Variants in PTBP3 observed in about 807,000 individuals in gnomAD.
The protein encoded by PTBP3 is polypyrimidine tract binding protein 3, also known as polypyrimidine tract-binding protein 3.
A neutral mutation model predicts 58.7 loss-of-function variants in PTBP3; 20 were observed. The ratio of observed to expected loss-of-function variants is 0.34; its 90% CI spans 0.24 to 0.50. The LOEUF (loss-of-function observed/expected upper bound fraction) is 0.50. Among genes scored for constraint, PTBP3 ranks in the 20% least tolerant of loss-of-function variants. The pLI is 0.98. For synonymous variants in PTBP3, 185 were observed against 219.8 expected, an observed-to-expected ratio of 0.84 and a Z score of 1.40; for missense variants, 509 against 637.2, an observed-to-expected ratio of 0.80 and a Z score of 2.17.
the PTBP3 span, among the ~76,000 whole-genome samples, chr9:112,356,874 CT>C: frequency 0.012 from 1,115 of 91,470 alleles, 17 homozygotes; most frequent in East Asian, 0.15. Context: ...TCATTTCCCT[CT>C]TTTTTTTTTT....
At chr9:112,247,925 G>A (rs945428167) in intron 7 of PTBP3, among the ~76,000 whole-genome samples, 3 of 152,020 alleles carry the variant, frequency 2.0e-5, no homozygotes, top group Non-Finnish European at 4.4e-5. Flanking sequence ...TATAGGTAGT[G>A]TATATATTAT....
At chr9:112,315,729 A>C (rs893080560) in intron 1 of PTBP3, among the ~76,000 whole-genome samples, 17 of 152,266 alleles carry the variant, frequency 1.1e-4, no homozygotes, top group Admixed American at 1.1e-3. Context: ...ACACTGATGA[A>C]TTCTATCAAA....
chr9:112,332,761 C>T (rs1830427006), intron 1 of PTBP3: 1 of 1,611,340 alleles, frequency 6.2e-7, no homozygotes, highest in Non-Finnish European at 8.5e-7. Flanking sequence ...CCGAAAATCG[C>T]TCGTACATCA....
chr9:112,252,293 C>A, intron 6 of PTBP3: 1 of 241,024 alleles, frequency 4.1e-6, no homozygotes, highest in Non-Finnish European at 8.0e-6. Flanking sequence ...CACCTGATCT[C>A]ATCTGATCTC....
At position 112,246,219 on chromosome 9, in the gene PTBP3, T is replaced by C. The variant is rs189645900; in HGVS notation, c.802+4710A>G. On this transcript the variant is annotated intron_variant, in intron 7 of 13. Transcript: ENST00000374257. Reference sequence around the variant, plus strand: ...GATGGTCTTGAACTCCCGACCTCAATTGATCCACCCGCCTCGGCCTCCCAA... The same window carrying C: ...GATGGTCTTGAACTCCCGACCTCAACTGATCCACCCGCCTCGGCCTCCCAA... 2.5e-3 allele frequency among the ~76,000 whole-genome samples: 385 copies of C among 151,410 alleles called. 1 individual carries two copies. Among genetic ancestry groups the C allele is most frequent in the South Asian group, 5.9e-3 (28 of 4,734 alleles).
chr9:112,331,477 C>G (rs1175878081), intron 1 of PTBP3, among the ~76,000 whole-genome samples: 3 of 152,196 alleles, frequency 2.0e-5, no homozygotes, highest in African/African-American at 7.2e-5. Flanking sequence ...TAAAAGTCAA[C>G]GAATAAATGA....
intron 5 of PTBP3, among the ~76,000 whole-genome samples, chr9:112,256,631 A>C (rs954964902): frequency 2.6e-5 from 4 of 152,054 alleles, no homozygotes; most frequent in African/African-American, 9.7e-5. Context: ...CCTGGGCTCA[A>C]GCAATCCTCC....
intron 1 of PTBP3, among the ~76,000 whole-genome samples, chr9:112,306,604 A>ATATTT (rs1341386115): frequency 2.4e-4 from 25 of 104,022 alleles, no homozygotes; most frequent in African/African-American, 1.4e-3. Flanking sequence ...ATATATATAT[A>ATATTT]TTTTTGTTTG....
At chr9:112,362,965 GA>G in the PTBP3 span, 1 of 252,306 alleles carries the variant, frequency 4.0e-6, no homozygotes. Context: ...CAAGGACTTG[GA>G]AGGGCTGCTG....
At chr9:112,345,439 G>A in the PTBP3 span, among the ~76,000 whole-genome samples, 1 of 145,172 alleles carries the variant, frequency 6.9e-6, no homozygotes, top group Admixed American at 6.9e-5. Flanking sequence ...GCAGTGGAGT[G>A]ATCTCAGCTC....
intron 2 of PTBP3, among the ~76,000 whole-genome samples, chr9:112,295,179 C>T (rs1426658036): frequency 6.7e-6 from 1 of 148,442 alleles, no homozygotes; most frequent in African/African-American, 2.5e-5. Context: ...GCGGTGGTTA[C>T]AGTAAGCAGA....
intron 8 of PTBP3, 27 bp from the exon 9 acceptor site, chr9:112,232,265 T>C (rs1396099501): frequency 3.9e-6 from 6 of 1,544,420 alleles, no homozygotes; most frequent in Non-Finnish European, 5.3e-6. Context: ...AAGCATTTCA[T>C]ATTCTAATTA....
chr9:112,223,646 G>T lies in PTBP3; in HGVS notation c.*205C>A. 1 of 1,276,536 alleles carries T rather than the reference G, an allele frequency of 7.8e-7. No individual in the cohort carries two copies. Among genetic ancestry groups the T allele is most frequent in the East Asian group, 3.2e-5 (1 of 31,124 alleles). The allele number at this position is 1,276,536 out of a possible 1,614,324, so 79.1% of individuals were successfully genotyped here. On this transcript the variant is annotated 3_prime_UTR_variant, in exon 14 of 14. Coordinates refer to ENST00000374257, the MANE Select transcript of PTBP3 (RefSeq NM_001163788.4). ...GAAGGTTATTTTTGTAGAAACCATG[G>T]TAAAAAGGGAAAAGAAACCTTTGAC...
Position 112,270,520 on chromosome 9 carries a change from T to C in PTBP3, c.205-2325A>G, listed in dbSNP as rs1001180558. 2.0e-5 allele frequency among the ~76,000 whole-genome samples: 3 copies of C among 152,012 alleles called. No homozygotes were observed. In the South Asian group the frequency reaches 6.2e-4, roughly 32 times the overall value. Reference sequence around the variant, plus strand: ...TTTTTAATAAACATACGAAGCATTTTTAATTTTTTAAAGGTTTCCCAAGAT... The same window carrying C: ...TTTTTAATAAACATACGAAGCATTTCTAATTTTTTAAAGGTTTCCCAAGAT... On this transcript the variant is annotated intron_variant, in intron 3 of 13. Coordinates refer to ENST00000374257, the MANE Select transcript of PTBP3 (RefSeq NM_001163788.4).
the PTBP3 span, among the ~76,000 whole-genome samples, chr9:112,372,412 G>A: frequency 2.0e-5 from 3 of 152,008 alleles, no homozygotes; most frequent in Non-Finnish European, 4.4e-5. Context: ...AAAACGAGGT[G>A]GAATTCACAT....
At chr9:112,376,392 T>A in the PTBP3 span, among the ~76,000 whole-genome samples, 1 of 150,876 alleles carries the variant, frequency 6.6e-6, no homozygotes, top group Non-Finnish European at 1.5e-5. Flanking sequence ...TAGCTGGGAC[T>A]ACAGGTGTGT....
the PTBP3 span, among the ~76,000 whole-genome samples, chr9:112,366,522 C>T: frequency 6.6e-6 from 1 of 152,132 alleles, no homozygotes; most frequent in African/African-American, 2.4e-5. Context: ...TGGGCCATGG[C>T]TTCCGAGGGT....
intron 6 of PTBP3, chr9:112,252,320 C>T (rs1392889687): frequency 1.7e-4 from 44 of 259,668 alleles, no homozygotes; most frequent in Non-Finnish European, 8.1e-5. Flanking sequence ...TAAGCAGGGT[C>T]GGGCCTGGTT....
the PTBP3 span, among the ~76,000 whole-genome samples, chr9:112,368,111 C>CA: frequency 6.6e-6 from 1 of 152,210 alleles, no homozygotes; most frequent in Non-Finnish European, 1.5e-5. Flanking sequence ...CCTCCCACCT[C>CA]AGCCTCTCTA....
Sources: allele counts gnomAD v4.1 joint callset (sites outside exome capture counted in the v4.1 genomes callset), GRCh38; gene constraint gnomAD v4.1.1; transcripts MANE v1.5; gene names NCBI Gene and HGNC (gene_info 2026-07-23, HGNC 2026-07-21).